The following CNTN6 variants were observed in gnomAD, a reference collection of about 807,000 sequenced individuals.
CNTN6 encodes contactin-6.
A neutral mutation model predicts 122.8 loss-of-function variants in CNTN6; 137 were observed. The observed-to-expected ratio is 1.12, with a 90% CI of 0.97 to 1.29. CNTN6 has a LOEUF of 1.29. CNTN6 is among the 50% of genes most tolerant of loss of function. The pLI, the probability that CNTN6 is intolerant of heterozygous loss-of-function variation, is 0.00. For missense variants in CNTN6, 1,634 were observed against 1,223.4 expected, an observed-to-expected ratio of 1.34 and a Z score of -5.01; for synonymous variants, 570 against 426.0, an observed-to-expected ratio of 1.34 and a Z score of -4.16.
At chr3:1,110,975 T>C (rs2091455590) in intron 1 of CNTN6, among the ~76,000 whole-genome samples, 3 of 152,194 alleles carry the variant, frequency 2.0e-5, no homozygotes, top group South Asian at 2.1e-4. Context: ...TACTACATGA[T>C]TGGCCAGAGA....
chr3:1,114,375 G>A (rs2091620213), intron 1 of CNTN6, among the ~76,000 whole-genome samples: 1 of 152,180 alleles, frequency 6.6e-6, no homozygotes, highest in African/African-American at 2.4e-5. Context: ...TGAGAACCCA[G>A]TTTCTGTGTG....
chr3:1,368,390 G>C (rs985310812), intron 12 of CNTN6, among the ~76,000 whole-genome samples: 40 of 152,138 alleles, frequency 2.6e-4, no homozygotes, highest in African/African-American at 8.7e-4. Context: ...TATTGGTGAA[G>C]AGAATCATCA....
At chr3:1,202,580 AAATAAATAC>A (rs1226087933) in intron 2 of CNTN6, among the ~76,000 whole-genome samples, 1 of 149,424 alleles carries the variant, frequency 6.7e-6, no homozygotes, top group African/African-American at 2.5e-5. Context: ...ATAAATAAAT[AAATAAATAC>A]AAATAAAATA....
chr3:1,156,680 T>TTCC (rs2092972516), intron 2 of CNTN6, among the ~76,000 whole-genome samples: 1 of 86,108 alleles, frequency 1.2e-5, no homozygotes, highest in Admixed American at 1.2e-4. Flanking sequence ...CCTTCCTTCC[T>TTCC]TTCCCTCCCT....
At position 1,266,690 on chromosome 3, in the gene CNTN6, G is replaced by T. The variant is rs78734994; in HGVS notation, c.359-11723G>T. On this transcript the variant is annotated intron_variant, in intron 4 of 22. Coordinates refer to ENST00000446702, the MANE Select transcript of CNTN6 (RefSeq NM_001289080.2). ...AGGACCATAGCAGGTATAATGGTTC[G>T]CATAAACCACTCTTTCCAAGTGACC... Among the ~76,000 whole-genome samples, 34 of 152,068 alleles carry T rather than the reference G, an allele frequency of 2.2e-4. 1 individual carries two copies. Among genetic ancestry groups the T allele is most frequent in the Admixed American group, 1.5e-3 (23 of 15,272 alleles).
chr3:1,156,964 C>A (rs907310004), intron 2 of CNTN6, among the ~76,000 whole-genome samples: 1 of 151,880 alleles, frequency 6.6e-6, no homozygotes, highest in African/African-American at 2.4e-5. Context: ...AATCCTCCTA[C>A]CTTGGCCTCC....
chr3:1,275,368 G>A (rs1692143894), intron 4 of CNTN6, among the ~76,000 whole-genome samples: 1 of 152,090 alleles, frequency 6.6e-6, no homozygotes, highest in African/African-American at 2.4e-5. Context: ...AAACTCTACT[G>A]AAACTTTTCT....
intron 19 of CNTN6, among the ~76,000 whole-genome samples, chr3:1,383,640 AAAAAACAAAAAC>A (rs3043011): frequency 0.016 from 2,419 of 151,556 alleles, 27 homozygotes; most frequent in Non-Finnish European, 0.025. Flanking sequence ...GCCAGTGGTA[AAAAAACAAAAAC>A]AAAAACAAAA....
chr3:1,284,489 A>ATAC (rs1694013342), intron 5 of CNTN6, among the ~76,000 whole-genome samples: 1 of 152,144 alleles, frequency 6.6e-6, no homozygotes, highest in African/African-American at 2.4e-5. Flanking sequence ...TATAATAATA[A>ATAC]TAGTAACGAT....
chr3:1,162,923 C>A (rs576868224), intron 2 of CNTN6, among the ~76,000 whole-genome samples: 2 of 152,250 alleles, frequency 1.3e-5, no homozygotes, highest in African/African-American at 4.8e-5. Flanking sequence ...AATGTGGGAA[C>A]AGAAAAGCAA....
intron 5 of CNTN6, among the ~76,000 whole-genome samples, chr3:1,283,232 G>A (rs888119866): frequency 2.0e-5 from 3 of 152,128 alleles, no homozygotes; most frequent in African/African-American, 7.2e-5. Flanking sequence ...TGGGATCACC[G>A]GTGTGAGCCA....
chr3:1,308,948 G>T (rs1324758255), intron 7 of CNTN6, among the ~76,000 whole-genome samples: 2 of 151,982 alleles, frequency 1.3e-5, no homozygotes, highest in African/African-American at 4.8e-5. Context: ...TAAGACGTCT[G>T]CTTATATCTT....
chr3:1,188,011 G>A (rs554427638), intron 2 of CNTN6, among the ~76,000 whole-genome samples: 8 of 152,114 alleles, frequency 5.3e-5, no homozygotes, highest in South Asian at 4.2e-4. Context: ...CTGCACACCC[G>A]CTACCCCTGC....
chr3:1,402,696 A>G, intron 22 of CNTN6: 1 of 407,738 alleles, frequency 2.5e-6, no homozygotes, highest in East Asian at 3.6e-5. Context: ...CTCATTTGAA[A>G]ACCAAAAAGA....
In CNTN6 at chr3:1,403,334, A is replaced by G. The variant is rs373091716; in HGVS notation, c.3003A>G (p.Gly1001=). Residue 1001 remains glycine, a synonymous_variant, in exon 23 of 23, where the codon GGA becomes GGG. Coordinates refer to ENST00000446702, the MANE Select transcript of CNTN6 (RefSeq NM_001289080.2). ...ATTTTGCAGGTTTGAGTTCCAGAGG[A>G]ATTCAATTCTTAGAACCTAGCACCC... ...IPKMSSLSSR[G]IQFLEPSTHF... is the part of the protein sequence containing the mutation. 241 of 1,608,586 alleles carry G rather than the reference A, an allele frequency of 1.5e-4. 3 individuals are homozygous for G. The South Asian group carries it at 2.2e-3, about 15-fold the overall frequency.
rs780840989 is a variant in CNTN6, at chr3:1,329,785, C to T, written c.1214C>T (p.Ala405Val). 6.2e-7 allele frequency: 1 copy of T among 1,604,162 alleles called. No homozygotes were observed. The change falls in exon 11 of 23, where the codon GCC (alanine) becomes GTC (valine). Residue 405 changes from alanine to valine, a missense_variant and splice_region_variant. By Grantham distance (64) the Ala-to-Val change is moderately conservative. Transcript: ENST00000446702. The part of the protein sequence containing the change: ...IYANAELRVL[A>V]SAPDFSKSPV... Reference sequence around the variant, plus strand: ...ATTTTGTCTTTGATTTTGTTTTTAGCCTCAGCTCCAGATTTCTCCAAAAGT... The same window carrying T: ...ATTTTGTCTTTGATTTTGTTTTTAGTCTCAGCTCCAGATTTCTCCAAAAGT...
At position 1,329,935 on chromosome 3, in the gene CNTN6, G is replaced by A. The variant is rs1702066187; in HGVS notation, c.1364G>A (p.Arg455Lys). Residue 455 changes from arginine (R) to lysine (K), a missense_variant and splice_region_variant, in exon 11 of 23, where the codon AGA (arginine) becomes AAA (lysine). Physicochemically the swap from Arg to Lys is conservative, Grantham distance 26 (BLOSUM62 2). Coordinates refer to ENST00000446702, the MANE Select transcript of CNTN6 (RefSeq NM_001289080.2). ...RGTETLRQSK[R>K]IFLLEDGSLK... is the part of the protein sequence containing the mutation. ...ACGGAGACCCTTAGACAAAGCAAAA[G>A]GTAAACAAATCTTTATTTTTAAAAA... 6.5e-7 allele frequency: 1 copy of A among 1,535,366 alleles called. No individual in the cohort carries two copies. Among genetic ancestry groups the A allele is most frequent in the South Asian group, 1.3e-5 (1 of 76,258 alleles).
chr3:1,265,934 A>T (rs1017729907), intron 4 of CNTN6, among the ~76,000 whole-genome samples: 22 of 152,152 alleles, frequency 1.4e-4, no homozygotes, highest in African/African-American at 5.1e-4. Context: ...CATATTTATT[A>T]CCACTGTATC....
At chr3:1,353,799 G>A (rs552477797) in intron 12 of CNTN6, among the ~76,000 whole-genome samples, 7 of 151,594 alleles carry the variant, frequency 4.6e-5, no homozygotes, top group Middle Eastern at 3.4e-3. Flanking sequence ...TGTGGTGAAG[G>A]ATAAAAAGGC....
Sources: allele counts gnomAD v4.1 joint callset (sites outside exome capture counted in the v4.1 genomes callset), GRCh38; gene constraint gnomAD v4.1.1; transcripts MANE v1.5; gene names NCBI Gene and HGNC (gene_info 2026-07-23, HGNC 2026-07-21).